KCNN2: variants seen among roughly 807,000 people sequenced by gnomAD.
KCNN2 encodes small conductance calcium-activated potassium channel protein 2.
KCNN2 carries 24 observed loss-of-function variants against 55.5 expected under a neutral mutation model. That is an observed-to-expected ratio of 0.43 (90% CI 0.31 to 0.61). The LOEUF is 0.61. KCNN2 is among the 20% of genes least tolerant of loss of function. The pLI is 0.08. For synonymous variants in KCNN2, 431 were observed against 336.1 expected (o/e 1.28, Z -3.09); for missense variants, 754 against 853.6 (o/e 0.88, Z 1.45).
intron 3 of KCNN2, among the ~76,000 whole-genome samples, chr5:114,414,984 C>A (rs988452015): frequency 1.2e-4 from 19 of 152,172 alleles, no homozygotes; most frequent in African/African-American, 4.6e-4. Context: ...AATCCCTGCT[C>A]CCTCTTGCAG....
intron 3 of KCNN2, among the ~76,000 whole-genome samples, chr5:114,407,748 G>A (rs577893289): frequency 1.4e-4 from 22 of 152,290 alleles, no homozygotes; most frequent in Middle Eastern, 3.4e-3. Context: ...AGGTGACAGC[G>A]TCTTGGGAAT....
chr5:114,080,557 A>C, intron 1 of KCNN2, among the ~76,000 whole-genome samples: 1 of 152,144 alleles, frequency 6.6e-6, no homozygotes, highest in South Asian at 2.1e-4. Flanking sequence ...CTATTTTGAC[A>C]AACTCGTTGA....
intron 2 of KCNN2, among the ~76,000 whole-genome samples, chr5:114,261,421 AC>A (rs1367570586): frequency 2.0e-5 from 3 of 152,180 alleles, no homozygotes; most frequent in Non-Finnish European, 4.4e-5. Flanking sequence ...GGCACTGGGC[AC>A]AGGATTCAGT....
At chr5:114,366,548 A>T (rs141646691) in intron 2 of KCNN2, among the ~76,000 whole-genome samples, 4 of 152,318 alleles carry the variant, frequency 2.6e-5, no homozygotes, top group Non-Finnish European at 5.9e-5. Context: ...AAATGTGAAG[A>T]CCCTGAACTG....
chr5:114,230,215 ATTCTTCAT>A (rs1335179976), intron 2 of KCNN2, among the ~76,000 whole-genome samples: 1 of 151,624 alleles, frequency 6.6e-6, no homozygotes, highest in African/African-American at 2.4e-5. Context: ...GATAAGCAGG[ATTCTTCAT>A]TTCTGAGATA....
chr5:114,436,107 C>T (rs1247252465), intron 3 of KCNN2, among the ~76,000 whole-genome samples: 1 of 152,182 alleles, frequency 6.6e-6, no homozygotes. Context: ...GTCAGGGTCA[C>T]CTCATTATAC....
chr5:114,395,726 A>G (rs337701), intron 2 of KCNN2, among the ~76,000 whole-genome samples: 21,606 of 152,112 alleles, frequency 0.14, 2,787 homozygotes, highest in African/African-American at 0.35. Flanking sequence ...CAACCTGGCA[A>G]ATACCACTGG....
At chr5:114,338,068 C>T (rs1379591220) in intron 2 of KCNN2, among the ~76,000 whole-genome samples, 2 of 152,258 alleles carry the variant, frequency 1.3e-5, no homozygotes, top group Middle Eastern at 3.4e-3. Flanking sequence ...ACTTTGAGTA[C>T]GTTTTGCAGG....
At chr5:114,293,713 C>T (rs1005067371) in intron 2 of KCNN2, among the ~76,000 whole-genome samples, 4 of 152,084 alleles carry the variant, frequency 2.6e-5, no homozygotes, top group South Asian at 2.1e-4. Context: ...TCATAAAATG[C>T]GTTAGGGAGG....
chr5:114,473,204 G>A (rs777220892), intron 5 of KCNN2, 40 bp downstream of exon 5: 1 of 1,282,126 alleles, frequency 7.8e-7, no homozygotes, highest in South Asian at 1.2e-5. Flanking sequence ...GAATATTATT[G>A]TGATTTTTTC....
At chr5:114,320,570 C>A (rs186255801) in intron 2 of KCNN2, among the ~76,000 whole-genome samples, 2 of 151,354 alleles carry the variant, frequency 1.3e-5, no homozygotes, top group African/African-American at 4.9e-5. Flanking sequence ...GCCGAGATCG[C>A]GCCACTGCAC....
intron 1 of KCNN2, among the ~76,000 whole-genome samples, chr5:114,160,436 T>C (rs1236448708): frequency 2.0e-5 from 3 of 152,204 alleles, no homozygotes; most frequent in Non-Finnish European, 4.4e-5. Context: ...ATGTGGTCAA[T>C]TTTGGAATAG....
At chr5:114,090,139 G>A (rs554485408) in intron 1 of KCNN2, among the ~76,000 whole-genome samples, 19 of 152,104 alleles carry the variant, frequency 1.2e-4, no homozygotes, top group Non-Finnish European at 2.6e-4. Context: ...TTAGAGCAAA[G>A]GCAATCGTAT....
chr5:114,099,267 A>G (rs1751326927), intron 1 of KCNN2, among the ~76,000 whole-genome samples: 2 of 152,116 alleles, frequency 1.3e-5, no homozygotes, highest in South Asian at 2.1e-4. Context: ...GCGTGATTAT[A>G]TATATAATAC....
At chr5:114,467,997 A>G (rs1455050260) in intron 4 of KCNN2, among the ~76,000 whole-genome samples, 1 of 152,160 alleles carries the variant, frequency 6.6e-6, no homozygotes, top group Admixed American at 6.5e-5. Flanking sequence ...GAACAAGCAA[A>G]TCACTATAAA....
chr5:114,391,925 T>C (rs1210530889), intron 2 of KCNN2, among the ~76,000 whole-genome samples: 1 of 152,106 alleles, frequency 6.6e-6, no homozygotes, highest in East Asian at 1.9e-4. Context: ...CAGATCCAAG[T>C]ATCACCTCTA....
chr5:114,403,365 A>G (rs1013973586), intron 2 of KCNN2, among the ~76,000 whole-genome samples: 1 of 152,198 alleles, frequency 6.6e-6, no homozygotes, highest in African/African-American at 2.4e-5. Context: ...GAACAGTGCT[A>G]TTTTATTTAT....
intron 1 of KCNN2, among the ~76,000 whole-genome samples, chr5:114,173,438 TTG>T (rs61630138): frequency 0.13 from 18,858 of 141,848 alleles, 1,188 homozygotes; most frequent in Middle Eastern, 0.22. Context: ...TTTGTTTTGT[TTG>T]TGTGTGTGTG....
intron 1 of KCNN2, among the ~76,000 whole-genome samples, chr5:114,082,816 G>A (rs1370071832): frequency 6.6e-6 from 1 of 152,084 alleles, no homozygotes; most frequent in Non-Finnish European, 1.5e-5. Flanking sequence ...TCACAAAGTT[G>A]AATCCTATAT....
Sources: allele counts gnomAD v4.1 joint callset (sites outside exome capture counted in the v4.1 genomes callset), GRCh38; gene constraint gnomAD v4.1.1; transcripts MANE v1.5; gene names NCBI Gene and HGNC (gene_info 2026-07-23, HGNC 2026-07-21).